Variants in FRMD4B observed in about 807,000 individuals in gnomAD.
FRMD4B encodes FERM domain containing 4B, also known as FERM domain-containing protein 4B.
In FRMD4B, 74 loss-of-function variants were observed where a neutral mutation model predicts 141.5. The ratio of observed to expected loss-of-function variants is 0.52; its 90% CI spans 0.43 to 0.63. The LOEUF (loss-of-function observed/expected upper bound fraction) is 0.63, where lower values mean the gene tolerates loss of function less well. Among genes scored for constraint, FRMD4B ranks in the 30% least tolerant of loss-of-function variants. FRMD4B has a pLI of 0.00. For synonymous variants in FRMD4B, 506 were observed against 467.9 expected, an observed-to-expected ratio of 1.08 and a Z score of -1.05; for missense variants, 1,366 against 1,253.4, an observed-to-expected ratio of 1.09 and a Z score of -1.36.
At chr3:69,396,275 G>C (rs757082813) in intron 2 of FRMD4B, among the ~76,000 whole-genome samples, 2 of 152,146 alleles carry the variant, frequency 1.3e-5, no homozygotes, top group Non-Finnish European at 2.9e-5. Flanking sequence ...GGGAGGCCGA[G>C]GTGGGTGGAT....
intron 1 of FRMD4B, among the ~76,000 whole-genome samples, chr3:69,461,394 C>A (rs894840997): frequency 1.3e-5 from 2 of 149,634 alleles, no homozygotes; most frequent in Non-Finnish European, 3.0e-5. Flanking sequence ...CCCCCCCCAT[C>A]TCTAAAATAA....
intron 1 of FRMD4B, among the ~76,000 whole-genome samples, chr3:69,442,202 C>G (rs1159994469): frequency 6.6e-6 from 1 of 151,928 alleles, no homozygotes; most frequent in Admixed American, 6.6e-5. Flanking sequence ...CTAACTCAGC[C>G]CCCTGAGTAG....
intron 1 of FRMD4B, among the ~76,000 whole-genome samples, chr3:69,338,299 G>T (rs2107362986): frequency 6.6e-6 from 1 of 152,284 alleles, no homozygotes; most frequent in Non-Finnish European, 1.5e-5. Flanking sequence ...ACACTCTGGG[G>T]ACTGTTGTGA....
At chr3:69,314,768 G>C (rs1208265233) in intron 1 of FRMD4B, among the ~76,000 whole-genome samples, 1 of 152,146 alleles carries the variant, frequency 6.6e-6, no homozygotes, top group Non-Finnish European at 1.5e-5. Flanking sequence ...CTGGGAGGTT[G>C]AGGTTGCAGT....
chr3:69,175,220 G>C (rs1421748265), intron 22 of FRMD4B, among the ~76,000 whole-genome samples: 1 of 152,134 alleles, frequency 6.6e-6, no homozygotes, highest in Non-Finnish European at 1.5e-5. Context: ...TGTGTCTGAA[G>C]CACTATGACT....
chr3:69,250,660 T>C (rs1221756641), intron 5 of FRMD4B, among the ~76,000 whole-genome samples: 2 of 152,058 alleles, frequency 1.3e-5, no homozygotes, highest in African/African-American at 4.8e-5. Context: ...TTACAGCAAA[T>C]GCTTTGAAGA....
intron 1 of FRMD4B, among the ~76,000 whole-genome samples, chr3:69,383,273 C>T (rs748797793): frequency 6.6e-6 from 1 of 152,174 alleles, no homozygotes; most frequent in Non-Finnish European, 1.5e-5. Context: ...TACTTTTTCA[C>T]TTAATATTTG....
intron 2 of FRMD4B, among the ~76,000 whole-genome samples, chr3:69,395,073 T>A (rs1385768620): frequency 1.3e-5 from 2 of 152,052 alleles, no homozygotes. Flanking sequence ...TAAGCAGGGC[T>A]TAAAACCTAG....
intron 5 of FRMD4B, among the ~76,000 whole-genome samples, chr3:69,256,539 C>T (rs535230503): frequency 4.6e-5 from 7 of 152,246 alleles, no homozygotes; most frequent in African/African-American, 7.2e-5. Flanking sequence ...AGGCTGGTCT[C>T]GAACTCCTGA....
chr3:69,210,778 C>T (rs915067233), intron 11 of FRMD4B, among the ~76,000 whole-genome samples: 1 of 152,076 alleles, frequency 6.6e-6, no homozygotes, highest in Non-Finnish European at 1.5e-5. Context: ...CTTTGGGAGG[C>T]TCAGGCAGGT....
chr3:69,209,935 A>G (rs1350237250), intron 11 of FRMD4B, among the ~76,000 whole-genome samples: 1 of 152,244 alleles, frequency 6.6e-6, no homozygotes, highest in Non-Finnish European at 1.5e-5. Flanking sequence ...GAAATGCTCA[A>G]GATAGCTGTG....
At chr3:69,344,484 A>G (rs1342719831) in intron 1 of FRMD4B, among the ~76,000 whole-genome samples, 1 of 152,220 alleles carries the variant, frequency 6.6e-6, no homozygotes, top group Non-Finnish European at 1.5e-5. Context: ...AGCATTTCTA[A>G]GCTGAAAAAT....
At chr3:69,186,866 A>C (rs2092773680) in intron 19 of FRMD4B, among the ~76,000 whole-genome samples, 1 of 152,192 alleles carries the variant, frequency 6.6e-6, no homozygotes, top group Admixed American at 6.5e-5. Context: ...TTTTAGGCAA[A>C]GCAAACAGCT....
At chr3:69,252,638 T>C (rs1559753879) in intron 5 of FRMD4B, among the ~76,000 whole-genome samples, 1 of 152,196 alleles carries the variant, frequency 6.6e-6, no homozygotes. Context: ...ATTTGCCCAG[T>C]TCTCTGCAAT....
At chr3:69,490,346 A>T (rs1484993698) in intron 1 of FRMD4B, among the ~76,000 whole-genome samples, 1 of 152,200 alleles carries the variant, frequency 6.6e-6, no homozygotes, top group African/African-American at 2.4e-5. Flanking sequence ...CTTTTCTTTA[A>T]GATCTTTGCA....
intron 1 of FRMD4B, among the ~76,000 whole-genome samples, chr3:69,500,023 G>A (rs190331873): frequency 1.1e-4 from 17 of 152,328 alleles, no homozygotes; most frequent in South Asian, 2.1e-4. Flanking sequence ...GATCTGGACC[G>A]TGGTCAAGGA....
At chr3:69,337,153 A>C (rs537419045) in intron 1 of FRMD4B, among the ~76,000 whole-genome samples, 1 of 152,188 alleles carries the variant, frequency 6.6e-6, no homozygotes, top group African/African-American at 2.4e-5. Flanking sequence ...ATAATGCCAC[A>C]TATCTACAAC....
intron 1 of FRMD4B, among the ~76,000 whole-genome samples, chr3:69,529,666 A>C (rs1231449468): frequency 6.6e-6 from 1 of 152,210 alleles, no homozygotes; most frequent in Admixed American, 6.5e-5. Context: ...ATTTTGTCTC[A>C]CTAGAAATGG....
intron 5 of FRMD4B, among the ~76,000 whole-genome samples, chr3:69,265,302 A>G: frequency 8.0e-6 from 1 of 125,164 alleles, no homozygotes; most frequent in Non-Finnish European, 1.7e-5. Context: ...ATATATATAT[A>G]TATATATATA....
Sources: allele counts gnomAD v4.1 joint callset (sites outside exome capture counted in the v4.1 genomes callset), GRCh38; gene constraint gnomAD v4.1.1; transcripts MANE v1.5; gene names NCBI Gene and HGNC (gene_info 2026-07-23, HGNC 2026-07-21).